HMCN1: variants seen among roughly 807,000 people sequenced by gnomAD.
The protein encoded by HMCN1 is hemicentin-1.
HMCN1 carries 321 observed loss-of-function variants against 625.9 expected under a neutral mutation model. The ratio of observed to expected loss-of-function variants is 0.51; its 90% confidence interval spans 0.47 to 0.56. The LOEUF (loss-of-function observed/expected upper bound fraction) is 0.56. HMCN1 is among the 20% of genes least tolerant of loss of function. HMCN1 has a pLI of 0.00. For missense variants in HMCN1, 6,588 were observed against 6,887.3 expected (o/e 0.96, Z 1.54); for synonymous variants, 2,425 against 2,417.6 (o/e 1.00, Z -0.09).
chr1:185,944,884 G>A (rs1274036573), intron 11 of HMCN1, among the ~76,000 whole-genome samples: 1 of 152,168 alleles, frequency 6.6e-6, no homozygotes, highest in South Asian at 2.1e-4. Context: ...AAGAACTTTT[G>A]CAAGTATGGA....
At chr1:186,171,899 A>G (rs965047588) in intron 101 of HMCN1, 107 bp from the exon 102 acceptor site, 5 of 947,750 alleles carry the variant, frequency 5.3e-6, no homozygotes, top group Non-Finnish European at 8.1e-6. Context: ...TGATTATGCA[A>G]TGAATGTATA....
At position 186,166,219 on chromosome 1, in the gene HMCN1, C is replaced by T. The variant is rs1211512801; in HGVS notation, c.15355C>T (p.His5119Tyr). The change falls in exon 99 of 107, where the codon CAT becomes TAT. Residue 5119 changes from histidine to tyrosine, a missense_variant. Coordinates refer to ENST00000271588, the MANE Select transcript of HMCN1 (RefSeq NM_031935.3). ...DECAAGNPCS[H>Y]SCHNAMGTYY... ...ATGTGCAGCAGGGAATCCCTGCTCCCATAGCTGCCACAATGCCATGGGGAC... is the reference window on the plus strand; with the variant it reads ...ATGTGCAGCAGGGAATCCCTGCTCCTATAGCTGCCACAATGCCATGGGGAC... The T allele has an allele frequency of 1.2e-6, 2 of 1,613,970 alleles. No individual in the cohort carries two copies. The highest frequency in any genetic ancestry group is 2.7e-5 in the African/African-American group (2 of 74,924).
chr1:185,892,295 C>G (rs1665153591), intron 4 of HMCN1, among the ~76,000 whole-genome samples: 1 of 151,278 alleles, frequency 6.6e-6, no homozygotes, highest in South Asian at 2.1e-4. Flanking sequence ...TCATCTGAAG[C>G]CTTCTTCTCT....
intron 24 of HMCN1, among the ~76,000 whole-genome samples, chr1:185,996,981 A>G (rs1652836656): frequency 2.0e-5 from 3 of 152,070 alleles, no homozygotes; most frequent in African/African-American, 7.2e-5. Context: ...TCTAAAGGGG[A>G]ACATGTTTGA....
At chr1:186,141,332 A>G (rs986907029) in intron 89 of HMCN1, among the ~76,000 whole-genome samples, 3 of 151,908 alleles carry the variant, frequency 2.0e-5, no homozygotes, top group East Asian at 1.9e-4. Context: ...TCATGTTCAC[A>G]TTATCCTAGA....
chr1:185,870,825 T>C (rs1663563967), intron 4 of HMCN1, among the ~76,000 whole-genome samples: 1 of 152,202 alleles, frequency 6.6e-6, no homozygotes, highest in African/African-American at 2.4e-5. Context: ...ACTGAAGCTC[T>C]ATAACAATAG....
At chr1:185,759,131 C>T (rs1432974101) in intron 1 of HMCN1, among the ~76,000 whole-genome samples, 1 of 152,168 alleles carries the variant, frequency 6.6e-6, no homozygotes, top group Admixed American at 6.5e-5. Context: ...TGGCTGGAAC[C>T]TGTTTTTTGT....
Position 186,114,892 on chromosome 1 carries a change from A to T in HMCN1, c.11350A>T (p.Met3784Leu), listed in dbSNP as rs1241182116. 1 of 1,614,154 alleles carries T rather than the reference A, an allele frequency of 6.2e-7. No homozygotes were observed. Among genetic ancestry groups the T allele is most frequent in the East Asian group, 2.2e-5 (1 of 44,880 alleles). The change falls in exon 74 of 107, where the codon ATG becomes TTG. Residue 3784 changes from methionine to leucine, a missense_variant. Met to Leu is a conservative substitution (Grantham distance 15, BLOSUM62 2). This residue lies in a region of HMCN1 where 4,628 missense variants were observed against 4,853.1 expected (regional missense o/e 0.95). Transcript: ENST00000271588. ...CACTGACACTGGACGGTATTTGTGT[A>T]TGGCCACCAATGCTGCTGGAACAGA... The part of the protein sequence containing the change: ...HVTDTGRYLC[M>L]ATNAAGTDRR...
intron 55 of HMCN1, 80 bp downstream of exon 55, chr1:186,078,300 T>C: frequency 1.0e-6 from 1 of 983,912 alleles, no homozygotes; most frequent in Non-Finnish European, 1.6e-6. Flanking sequence ...GATGTTACAC[T>C]AAGCGCTTTT....
intron 1 of HMCN1, among the ~76,000 whole-genome samples, chr1:185,788,851 A>G (rs1289606548): frequency 6.6e-6 from 1 of 152,108 alleles, no homozygotes; most frequent in Non-Finnish European, 1.5e-5. Context: ...AATGTTCCAT[A>G]CTTAGTTTGA....
intron 11 of HMCN1, among the ~76,000 whole-genome samples, chr1:185,952,483 T>C (rs1649275970): frequency 1.3e-5 from 2 of 151,738 alleles, no homozygotes; most frequent in African/African-American, 4.9e-5. Flanking sequence ...CGAGTTGCAC[T>C]GGTCACAGAG....
At chr1:186,067,800 A>G (rs755837910) in intron 49 of HMCN1, 34 bp from the exon 50 acceptor site, 4 of 1,461,188 alleles carry the variant, frequency 2.7e-6, no homozygotes, top group Middle Eastern at 1.8e-4. Context: ...AAATTTCTAC[A>G]TATATTTCTT....
intron 6 of HMCN1, among the ~76,000 whole-genome samples, chr1:185,916,717 G>T (rs1352751969): frequency 1.3e-5 from 2 of 152,238 alleles, no homozygotes; most frequent in East Asian, 3.9e-4. Context: ...TTTATAAAAG[G>T]TAAGGTTTCA....
intron 39 of HMCN1, 76 bp downstream of exon 39, chr1:186,039,955 T>G (rs1656099636): frequency 7.2e-7 from 1 of 1,394,820 alleles, no homozygotes; most frequent in Non-Finnish European, 1.0e-6. Context: ...GTAAAACTGT[T>G]GAAGAGATTT....
At chr1:185,977,739 C>G in intron 15 of HMCN1, 48 bp from the exon 16 acceptor site, 1 of 1,093,100 alleles carries the variant, frequency 9.1e-7, no homozygotes, top group Non-Finnish European at 1.4e-6. Flanking sequence ...GTTTAATATG[C>G]CTGTATAATA....
intron 53 of HMCN1, among the ~76,000 whole-genome samples, chr1:186,076,179 A>G (rs2102360644): frequency 6.6e-6 from 1 of 152,224 alleles, no homozygotes; most frequent in East Asian, 1.9e-4. Context: ...GAGCCCTTTA[A>G]CGGGGAGAGC....
At chr1:186,156,338 G>A (rs74333977) in intron 97 of HMCN1, among the ~76,000 whole-genome samples, 5 of 152,072 alleles carry the variant, frequency 3.3e-5, no homozygotes, top group South Asian at 2.1e-4. Context: ...ATACAAAGGC[G>A]CTTCAAAATC....
At chr1:186,094,499 G>A in intron 67 of HMCN1, 126 bp downstream of exon 67, 1 of 732,690 alleles carries the variant, frequency 1.4e-6, no homozygotes, top group Non-Finnish European at 2.4e-6. Context: ...TAGTGAAATA[G>A]GATCTTACTG....
At position 186,106,874 on chromosome 1, in the gene HMCN1, G is replaced by C. The variant is rs753273442; in HGVS notation, c.10771-10G>C. 3.2e-6 allele frequency: 5 copies of C among 1,571,172 alleles called. No homozygotes were observed. The highest frequency in any genetic ancestry group is 1.3e-5 in the African/African-American group (1 of 74,170). ...TTAACATTATGTAATTCATTATTTG[G>C]GTTTTGTAGGTGGAGGATACAGGAA... is the stretch of plus-strand genomic sequence containing the variant. On this transcript the variant is annotated splice_polypyrimidine_tract_variant and intron_variant, in intron 69 of 106. Coordinates refer to ENST00000271588, the MANE Select transcript of HMCN1 (RefSeq NM_031935.3).
Sources: gnomAD v4.1 joint callset for allele counts (sites outside exome capture counted in the v4.1 genomes callset) on GRCh38, gnomAD v4.1.1 for gene constraint, gnomAD v4.1.1 regional missense constraint, MANE v1.5 for transcripts, NCBI Gene and HGNC (gene_info 2026-07-23, HGNC 2026-07-21) for gene names.